Variants in PRIM2 observed in about 807,000 individuals in gnomAD.
The protein encoded by PRIM2 is DNA primase large subunit.
PRIM2 carries 39 observed loss-of-function variants against 67.3 expected under a neutral mutation model. That is an observed-to-expected ratio of 0.58 (90% CI 0.45 to 0.76). The LOEUF (loss-of-function observed/expected upper bound fraction) is 0.76. Ranked by LOEUF, PRIM2 falls within the 30% of genes least tolerant of loss-of-function variation. The pLI is 0.00. For synonymous variants in PRIM2, 143 were observed against 198.7 expected, an observed-to-expected ratio of 0.72 and a Z score of 2.36; for missense variants, 398 against 598.7, an observed-to-expected ratio of 0.66 and a Z score of 3.50.
rs1430255342 is a variant in PRIM2, at chr6:57,639,703, A to G, written c.1300-6225A>G. Reference sequence around the variant, plus strand: ...AACCAGGAAGAAGTCAAATCCCTGAATAGACTAATAACAGGTTCTGAAACT... The same window carrying G: ...AACCAGGAAGAAGTCAAATCCCTGAGTAGACTAATAACAGGTTCTGAAACT... On this transcript the variant is annotated intron_variant, in intron 13 of 13. Coordinates refer to ENST00000615550, the MANE Select transcript of PRIM2 (RefSeq NM_000947.5). Among the ~76,000 whole-genome samples, 56 of 149,086 alleles carry G rather than the reference A, an allele frequency of 3.8e-4. No individual in the cohort carries two copies. In the East Asian group the frequency reaches 4.3e-3, roughly 12 times the overall value.
the PRIM2 span, among the ~76,000 whole-genome samples, chr6:57,230,358 C>T: frequency 2.0e-5 from 3 of 152,308 alleles, no homozygotes; most frequent in East Asian, 5.8e-4. Flanking sequence ...AGCATTCAAC[C>T]TTCTGTTTTG....
At chr6:57,478,786 T>C (rs1206493094) in intron 7 of PRIM2, among the ~76,000 whole-genome samples, 1 of 152,158 alleles carries the variant, frequency 6.6e-6, no homozygotes, top group Non-Finnish European at 1.5e-5. Flanking sequence ...AGTTATCATT[T>C]TTTCCAGGGT....
intron 8 of PRIM2, among the ~76,000 whole-genome samples, chr6:57,523,588 C>T (rs1164650934): frequency 5.3e-5 from 8 of 152,160 alleles, no homozygotes; most frequent in Non-Finnish European, 8.8e-5. Context: ...CTGACTTTTG[C>T]CCTCCCATTT....
At chr6:57,435,806 A>G (rs903170635) in intron 7 of PRIM2, among the ~76,000 whole-genome samples, 1 of 152,214 alleles carries the variant, frequency 6.6e-6, no homozygotes, top group Non-Finnish European at 1.5e-5. Context: ...ATAGTACGGG[A>G]AAGAGCTGAG....
chr6:57,287,059 T>C, the PRIM2 span, among the ~76,000 whole-genome samples: 1 of 152,194 alleles, frequency 6.6e-6, no homozygotes, highest in Non-Finnish European at 1.5e-5. Context: ...CACAATGAGA[T>C]GCCATCTCCT....
At chr6:57,356,023 G>A (rs906666926) in intron 5 of PRIM2, among the ~76,000 whole-genome samples, 4 of 152,154 alleles carry the variant, frequency 2.6e-5, no homozygotes, top group African/African-American at 7.2e-5. Flanking sequence ...TCGAGACCTA[G>A]GGTGTTAGGA....
intron 13 of PRIM2, among the ~76,000 whole-genome samples, chr6:57,642,131 A>G (rs1777248319): frequency 6.6e-6 from 1 of 152,180 alleles, no homozygotes; most frequent in African/African-American, 2.4e-5. Context: ...TAACACAAGA[A>G]CAGAAACCAA....
intron 13 of PRIM2, among the ~76,000 whole-genome samples, chr6:57,641,056 A>G (rs1777224346): frequency 6.6e-6 from 1 of 152,160 alleles, no homozygotes; most frequent in South Asian, 2.1e-4. Context: ...GACCAATGGA[A>G]CAGAACAGAG....
intron 7 of PRIM2, among the ~76,000 whole-genome samples, chr6:57,466,349 G>T (rs1200226042): frequency 3.3e-5 from 5 of 152,160 alleles, no homozygotes; most frequent in African/African-American, 1.2e-4. Flanking sequence ...TAATGGGATC[G>T]CTGGGTCAAA....
chr6:57,282,010 T>C, the PRIM2 span, among the ~76,000 whole-genome samples: 1 of 152,142 alleles, frequency 6.6e-6, no homozygotes. Flanking sequence ...GAAAATACCA[T>C]GTGCTGGCAA....
chr6:57,566,079 A>T (rs1422612429), intron 10 of PRIM2, among the ~76,000 whole-genome samples: 1 of 149,750 alleles, frequency 6.7e-6, no homozygotes, highest in South Asian at 2.1e-4. Context: ...CAGCCCATTA[A>T]CTTGAAGAAA....
intron 7 of PRIM2, among the ~76,000 whole-genome samples, chr6:57,427,073 A>T (rs2127376301): frequency 6.6e-6 from 1 of 152,328 alleles, no homozygotes; most frequent in African/African-American, 2.4e-5. Context: ...CTTCTTTTTT[A>T]GAACTGAATT....
rs529001825 is a variant in PRIM2, at chr6:57,417,474, G to A, written c.693+35306G>A. Reference sequence around the variant, plus strand: ...AGAGAGGTGAGAATCTTCCTTTCACGTCAATACTTAAAGGCCATTGTGAGT... The same window carrying A: ...AGAGAGGTGAGAATCTTCCTTTCACATCAATACTTAAAGGCCATTGTGAGT... On this transcript the variant is annotated intron_variant, in intron 7 of 13. Transcript: ENST00000615550. Among the ~76,000 whole-genome samples the A allele has an allele frequency of 5.4e-4, 82 of 152,130 alleles. No individual in the cohort carries two copies. The East Asian group carries it at 7.1e-3, about 13-fold the overall frequency.
At chr6:57,293,352 A>C in the PRIM2 span, among the ~76,000 whole-genome samples, 1 of 152,192 alleles carries the variant, frequency 6.6e-6, no homozygotes, top group Non-Finnish European at 1.5e-5. Context: ...GCTGTAGAGG[A>C]TGTGGAGAAA....
chr6:57,389,464 A>C (rs1480040583), intron 7 of PRIM2, among the ~76,000 whole-genome samples: 1 of 152,074 alleles, frequency 6.6e-6, no homozygotes, highest in Admixed American at 6.6e-5. Flanking sequence ...GTACTGGTAA[A>C]ACGTTAAAGA....
At chr6:57,287,066 T>A in the PRIM2 span, among the ~76,000 whole-genome samples, 1 of 152,202 alleles carries the variant, frequency 6.6e-6, no homozygotes, top group African/African-American at 2.4e-5. Context: ...AGATGCCATC[T>A]CCTGCCTGTT....
Position 57,414,067 on chromosome 6 carries a change from C to G in PRIM2, c.693+31899C>G, listed in dbSNP as rs6925645. ...ATACTTCATTTAGTTAAGGGGGAAA[C>G]AAGCGTTTGGTTAAGTGGGGAATAA... On this transcript the variant is annotated intron_variant, in intron 7 of 13. Coordinates refer to ENST00000615550, the MANE Select transcript of PRIM2 (RefSeq NM_000947.5). Among the ~76,000 whole-genome samples the G allele has an allele frequency of 2.0e-5, 3 of 152,152 alleles. No individual in the cohort carries two copies. In the East Asian group the frequency reaches 5.8e-4, roughly 29 times the overall value.
At chr6:57,558,220 G>A (rs1312303717) in intron 10 of PRIM2, among the ~76,000 whole-genome samples, 51 of 152,274 alleles carry the variant, frequency 3.3e-4, no homozygotes, top group African/African-American at 1.2e-3. Flanking sequence ...TTAGCACAGT[G>A]TCTGATACAT....
At chr6:57,296,983 A>G in the PRIM2 span, among the ~76,000 whole-genome samples, 31 of 152,318 alleles carry the variant, frequency 2.0e-4, no homozygotes, top group East Asian at 5.6e-3. Flanking sequence ...AAAATAATAC[A>G]TAAGGAGAGT....
Sources: gnomAD v4.1 joint callset for allele counts (sites outside exome capture counted in the v4.1 genomes callset) on GRCh38, gnomAD v4.1.1 for gene constraint, MANE v1.5 for transcripts, NCBI Gene and HGNC (gene_info 2026-07-23, HGNC 2026-07-21) for gene names.